Variants in PTPRT observed in about 807,000 individuals in gnomAD.
PTPRT encodes the protein protein tyrosine phosphatase receptor type T.
Under a neutral mutation model 176.8 loss-of-function variants are expected in PTPRT, and 56 were observed. That is an observed-to-expected ratio of 0.32 (90% CI 0.26 to 0.40). The LOEUF (loss-of-function observed/expected upper bound fraction) is 0.40. Ranked by LOEUF, PTPRT falls within the 10% of genes least tolerant of loss-of-function variation. PTPRT has a pLI of 1.00. For synonymous variants in PTPRT, 783 were observed against 739.0 expected (o/e 1.06, Z -0.96); for missense variants, 1,540 against 1,908.2 (o/e 0.81, Z 3.60).
intron 1 of PTPRT, among the ~76,000 whole-genome samples, chr20:43,046,723 G>A (rs11906865): frequency 0.024 from 3,683 of 152,148 alleles, 164 homozygotes; most frequent in African/African-American, 0.084. Context: ...GCACAGTTCC[G>A]AGACTGGCCC....
chr20:42,720,879 G>A (rs2076292539), intron 6 of PTPRT, among the ~76,000 whole-genome samples: 1 of 152,146 alleles, frequency 6.6e-6, no homozygotes, highest in South Asian at 2.1e-4. Context: ...CAGTAACCTT[G>A]ATGAGCTTAG....
intron 6 of PTPRT, among the ~76,000 whole-genome samples, chr20:42,684,319 T>A (rs1020564710): frequency 2.0e-5 from 3 of 151,402 alleles, no homozygotes; most frequent in African/African-American, 7.3e-5. Context: ...CACTCCAACC[T>A]GGGCAACACA....
intron 8 of PTPRT, among the ~76,000 whole-genome samples, chr20:42,466,752 A>C (rs2071108483): frequency 6.6e-6 from 1 of 152,192 alleles, no homozygotes; most frequent in South Asian, 2.1e-4. Flanking sequence ...CCTACAGGCA[A>C]TAACGCATCA....
At chr20:42,093,160 A>G (rs3092252) in intron 27 of PTPRT, among the ~76,000 whole-genome samples, 95,548 of 151,886 alleles carry the variant, frequency 0.63, 30,475 homozygotes, top group African/African-American at 0.73. Flanking sequence ...TATGGTGAGT[A>G]TGGCATGACT....
At chr20:42,441,807 CAA>C (rs559542172) in intron 9 of PTPRT, among the ~76,000 whole-genome samples, 9 of 152,200 alleles carry the variant, frequency 5.9e-5, no homozygotes, top group African/African-American at 1.9e-4. Flanking sequence ...TTAGAGGAAA[CAA>C]GAGCTTTTTT....
chr20:42,619,485 C>T (rs1478876676), intron 7 of PTPRT, among the ~76,000 whole-genome samples: 1 of 127,752 alleles, frequency 7.8e-6, no homozygotes, highest in Non-Finnish European at 1.6e-5. Context: ...TGAACGTTGG[C>T]CTGCCTTGCT....
chr20:42,726,859 G>A (rs1187293071), intron 6 of PTPRT, among the ~76,000 whole-genome samples: 1 of 152,188 alleles, frequency 6.6e-6, no homozygotes, highest in African/African-American at 2.4e-5. Flanking sequence ...TGGGATTTTT[G>A]TGTGTGAGCA....
At chr20:42,538,967 A>G (rs2072526791) in intron 7 of PTPRT, among the ~76,000 whole-genome samples, 1 of 152,180 alleles carries the variant, frequency 6.6e-6, no homozygotes, top group Non-Finnish European at 1.5e-5. Context: ...CCATGCAACT[A>G]TCACTAATTC....
chr20:42,142,658 A>G (rs1396791130), intron 17 of PTPRT, among the ~76,000 whole-genome samples: 2 of 152,228 alleles, frequency 1.3e-5, no homozygotes, highest in Non-Finnish European at 2.9e-5. Flanking sequence ...TTTTTCTTAT[A>G]CATACATACC....
At chr20:42,989,263 A>G (rs1209999807) in intron 1 of PTPRT, among the ~76,000 whole-genome samples, 1 of 152,246 alleles carries the variant, frequency 6.6e-6, no homozygotes, top group Non-Finnish European at 1.5e-5. Flanking sequence ...TATTTTGCAC[A>G]TGGGTGCAAG....
At chr20:42,683,484 G>T (rs944838001) in intron 6 of PTPRT, among the ~76,000 whole-genome samples, 15 of 152,064 alleles carry the variant, frequency 9.9e-5, no homozygotes, top group African/African-American at 3.4e-4. Flanking sequence ...CTCCATGTTT[G>T]CCAGGCAGGT....
chr20:42,249,664 G>T (rs1030261874), intron 13 of PTPRT, among the ~76,000 whole-genome samples: 12 of 152,188 alleles, frequency 7.9e-5, no homozygotes, highest in African/African-American at 2.4e-4. Context: ...AATTCCACAG[G>T]TTTCCTGATT....
intron 1 of PTPRT, among the ~76,000 whole-genome samples, chr20:43,065,965 T>A (rs12480375): frequency 2.6e-5 from 4 of 152,124 alleles, no homozygotes; most frequent in African/African-American, 9.7e-5. Context: ...TGTCCCTGAC[T>A]CTATCACTCC....
chr20:42,184,828 G>A (rs1244674229), intron 16 of PTPRT, among the ~76,000 whole-genome samples: 1 of 150,256 alleles, frequency 6.7e-6, no homozygotes, highest in African/African-American at 2.5e-5. Context: ...CAGAGATGGG[G>A]TTTCGCCATG....
intron 9 of PTPRT, among the ~76,000 whole-genome samples, chr20:42,444,338 G>A (rs1025402990): frequency 2.0e-5 from 3 of 152,136 alleles, no homozygotes; most frequent in Non-Finnish European, 4.4e-5. Flanking sequence ...GATTTCATGG[G>A]TTTGACATAG....
intron 9 of PTPRT, among the ~76,000 whole-genome samples, chr20:42,404,067 C>G (rs942900061): frequency 2.4e-4 from 37 of 152,270 alleles, no homozygotes; most frequent in Middle Eastern, 3.4e-3. Context: ...AAATTCAGAC[C>G]CGTTCACCCA....
rs191048724 is a variant in PTPRT, at chr20:42,405,764, C to T, written c.1560+42456G>A. 4.5e-4 allele frequency among the ~76,000 whole-genome samples: 69 copies of T among 152,244 alleles called. 1 individual carries two copies. The East Asian group carries it at 0.012, about 27-fold the overall frequency. On this transcript the variant is annotated intron_variant, in intron 9 of 30. Transcript: ENST00000373187. ...CTAGTTCTAGATCCTTGAGGAATCA[C>T]CACACTGTCTTCCACAATGGTTGAA...
chr20:42,248,963 C>T lies in PTPRT; in HGVS notation c.2177-141G>A, dbSNP rs77010074. The T allele has an allele frequency of 8.6e-3, 8,318 of 961,866 alleles. 49 individuals are homozygous for T. Among genetic ancestry groups the T allele is most frequent in the Non-Finnish European group, 9.4e-3 (6,286 of 667,320 alleles). The allele number at this position is 961,866 out of a possible 1,614,324, so 59.6% of individuals were successfully genotyped here. ...TGCTAAGGGCATCACATACATTGTC[C>T]CATTTAATAACTTCTGAGGACCAAT... On this transcript the variant is annotated intron_variant, in intron 13 of 30. Coordinates refer to ENST00000373187, the MANE Select transcript of PTPRT (RefSeq NM_007050.6).
At chr20:42,333,151 G>T (rs1038170426) in intron 11 of PTPRT, among the ~76,000 whole-genome samples, 9 of 151,926 alleles carry the variant, frequency 5.9e-5, no homozygotes, top group African/African-American at 2.2e-4. Flanking sequence ...TGTGATACTG[G>T]ATTTTCTTTA....
Sources: allele counts gnomAD v4.1 joint callset (sites outside exome capture counted in the v4.1 genomes callset), GRCh38; gene constraint gnomAD v4.1.1; transcripts MANE v1.5; gene names NCBI Gene and HGNC (gene_info 2026-07-23, HGNC 2026-07-21).